The following RASGRP3 variants were observed in gnomAD, a reference collection of about 807,000 sequenced individuals.
RASGRP3 encodes RAS guanyl releasing protein 3.
A neutral mutation model predicts 82.7 loss-of-function variants in RASGRP3; 54 were observed. The observed-to-expected ratio is 0.65, with a 90% CI of 0.52 to 0.82. The LOEUF is 0.82. Ranked by LOEUF, RASGRP3 falls within the 40% of genes least tolerant of loss-of-function variation. RASGRP3 has a pLI of 0.00. For synonymous variants in RASGRP3, 309 were observed against 300.5 expected, an observed-to-expected ratio of 1.03 and a Z score of -0.29; for missense variants, 861 against 828.9, an observed-to-expected ratio of 1.04 and a Z score of -0.48.
In RASGRP3 at chr2:33,524,503, A is replaced by T; in HGVS notation, c.762A>T (p.Ser254=). 1.2e-6 allele frequency: 2 copies of T among 1,605,250 alleles called. No homozygotes were observed. Among genetic ancestry groups the T allele is most frequent in the Non-Finnish European group, 1.7e-6 (2 of 1,175,562 alleles). The change falls in exon 9 of 18, where the codon TCA becomes TCT. Residue 254 remains serine (S), a synonymous_variant. Transcript: ENST00000403687. ...GAGGCCTCAGTCATAGTTCCATTTC[A>T]CGCCTCAAAGAGACCCATTCTCATC... ...VVGGLSHSSI[S]RLKETHSHLS...
chr2:33,478,140 C>T (rs1667546701), intron 1 of RASGRP3, among the ~76,000 whole-genome samples: 1 of 152,276 alleles, frequency 6.6e-6, no homozygotes, highest in Non-Finnish European at 1.5e-5. Context: ...GTCTTGAGTA[C>T]CGCACCAACC....
intron 2 of RASGRP3, among the ~76,000 whole-genome samples, chr2:33,468,775 C>T (rs897428047): frequency 1.3e-5 from 2 of 152,052 alleles, no homozygotes; most frequent in African/African-American, 4.8e-5. Flanking sequence ...ACTTTTGGCA[C>T]CTAGATGTTT....
At chr2:33,525,807 T>C (rs574172852) in intron 9 of RASGRP3, among the ~76,000 whole-genome samples, 5 of 149,834 alleles carry the variant, frequency 3.3e-5, no homozygotes, top group African/African-American at 1.2e-4. Flanking sequence ...AGCCCAGGAG[T>C]TTGAGGCTGC....
At chr2:33,503,687 A>G (rs1397336111) in intron 1 of RASGRP3, among the ~76,000 whole-genome samples, 1 of 152,196 alleles carries the variant, frequency 6.6e-6, no homozygotes, top group Non-Finnish European at 1.5e-5. Context: ...AAACTGAGAC[A>G]TTACCATCCC....
chr2:33,518,757 A>G (rs1671701273), intron 4 of RASGRP3, among the ~76,000 whole-genome samples: 1 of 152,186 alleles, frequency 6.6e-6, no homozygotes, highest in Non-Finnish European at 1.5e-5. Context: ...CAAAGACAGA[A>G]ACACACGCAT....
intron 2 of RASGRP3, among the ~76,000 whole-genome samples, chr2:33,460,943 C>T (rs1421410371): frequency 6.6e-6 from 1 of 152,200 alleles, no homozygotes; most frequent in African/African-American, 2.4e-5. Flanking sequence ...AAAGGATTTA[C>T]AGGAATTCAA....
At chr2:33,469,972 C>CTCT (rs1666959086) in intron 2 of RASGRP3, among the ~76,000 whole-genome samples, 1 of 152,134 alleles carries the variant, frequency 6.6e-6, no homozygotes, top group Non-Finnish European at 1.5e-5. Context: ...GGGCTTTTGG[C>CTCT]TCTGTTCCAT....
At chr2:33,504,256 C>T (rs1670147760) in intron 1 of RASGRP3, among the ~76,000 whole-genome samples, 1 of 152,100 alleles carries the variant, frequency 6.6e-6, no homozygotes, top group East Asian at 1.9e-4. Context: ...TCTTTCCTGT[C>T]AAGAAGGCCT....
At chr2:33,469,910 T>A (rs1666955915) in intron 2 of RASGRP3, among the ~76,000 whole-genome samples, 1 of 152,238 alleles carries the variant, frequency 6.6e-6, no homozygotes, top group South Asian at 2.1e-4. Context: ...TTAAAAACCA[T>A]ATTGAACAAA....
rs1676858543 is a variant in RASGRP3, at chr2:33,563,014, T to C, written c.*277T>C. The stretch of plus-strand genomic sequence containing the variant: ...AGTACTTTTTTCTCATGTATCTTTC[T>C]CTAGACCATTTATATACGGGTGAAA... On this transcript the variant is annotated 3_prime_UTR_variant, in exon 18 of 18. Coordinates refer to ENST00000403687, the MANE Select transcript of RASGRP3 (RefSeq NM_001139488.2). 2 of 470,844 alleles carry C rather than the reference T, an allele frequency of 4.2e-6. No individual in the cohort carries two copies. The highest frequency in any genetic ancestry group is 7.6e-5 in the South Asian group (2 of 26,440). The allele number at this position is 470,844 out of a possible 1,614,324, so 29.2% of individuals were successfully genotyped here.
Position 33,520,571 on chromosome 2 carries a change from T to G in RASGRP3, c.255T>G (p.Phe85Leu), listed in dbSNP as rs778703968. The G allele has an allele frequency of 6.2e-7, 1 of 1,614,046 alleles. No homozygotes were observed. The highest frequency in any genetic ancestry group is 8.5e-7 in the Non-Finnish European group (1 of 1,179,900). The stretch of plus-strand genomic sequence containing the variant: ...CTTTCAGGTACTGGATTCTGAAGTT[T>G]CCTGCAGAGTTTAATTTGGATCTTG... ...CYFMRYWILK[F>L]PAEFNLDLGL... Residue 85 changes from phenylalanine (F) to leucine (L), a missense_variant, in exon 6 of 18, where the codon TTT becomes TTG. Physicochemically the swap from Phe to Leu is conservative, Grantham distance 22. Coordinates refer to ENST00000403687, the MANE Select transcript of RASGRP3 (RefSeq NM_001139488.2).
intron 2 of RASGRP3, among the ~76,000 whole-genome samples, chr2:33,455,657 G>T (rs1158083856): frequency 6.6e-6 from 1 of 152,244 alleles, no homozygotes; most frequent in African/African-American, 2.4e-5. Context: ...TAAGACTGAA[G>T]GATTAACTTC....
chr2:33,527,422 A>G lies in RASGRP3; in HGVS notation c.1083+10A>G. On this transcript the variant is annotated intron_variant, in intron 10 of 17. Transcript: ENST00000403687. ...GATCAACCTGCTCACGGTGAGTTCC[A>G]AGGAGCCAAGTTTGGGCTCAATAAT... 6.2e-7 allele frequency: 1 copy of G among 1,604,018 alleles called. No homozygotes were observed. The highest frequency in any genetic ancestry group is 1.7e-5 in the Admixed American group (1 of 59,778).
chr2:33,561,169 C>A (rs916069608), intron 17 of RASGRP3, among the ~76,000 whole-genome samples: 2 of 151,860 alleles, frequency 1.3e-5, no homozygotes, highest in Non-Finnish European at 2.9e-5. Context: ...CAGGTTCAAG[C>A]GATTCTCCTG....
chr2:33,459,244 C>T (rs1666217110), intron 2 of RASGRP3, among the ~76,000 whole-genome samples: 1 of 152,118 alleles, frequency 6.6e-6, no homozygotes, highest in Non-Finnish European at 1.5e-5. Context: ...AAGCCATTCT[C>T]CTGCCTCAGC....
At chr2:33,454,652 C>T (rs1665951987) in intron 2 of RASGRP3, among the ~76,000 whole-genome samples, 1 of 152,164 alleles carries the variant, frequency 6.6e-6, no homozygotes, top group Admixed American at 6.5e-5. Flanking sequence ...CTCATCATAG[C>T]AGAAGGCTGG....
intron 2 of RASGRP3, among the ~76,000 whole-genome samples, chr2:33,470,851 G>T (rs1182228627): frequency 1.3e-5 from 2 of 152,048 alleles, no homozygotes; most frequent in Admixed American, 1.3e-4. Context: ...ATTTTAGTTT[G>T]TTCTATTGAG....
intron 9 of RASGRP3, among the ~76,000 whole-genome samples, chr2:33,524,850 C>T (rs146985548): frequency 7.9e-4 from 120 of 151,864 alleles, no homozygotes; most frequent in African/African-American, 2.4e-3. Context: ...GAGGCTGAGG[C>T]GGGCGGATCA....
At chr2:33,450,822 C>CTTTTTTTTTTTTTTTTTTTTTTTTTTTT (rs1170217165) in intron 2 of RASGRP3, among the ~76,000 whole-genome samples, 11 of 18,978 alleles carry the variant, frequency 5.8e-4, no homozygotes, top group East Asian at 1.6e-3. Flanking sequence ...TTCTTTCTTT[C>CTTTTTTTTTTTTTTTTTTTTTTTTTTTT]TTTTTTTTTT....
Sources: allele counts gnomAD v4.1 joint callset (sites outside exome capture counted in the v4.1 genomes callset), GRCh38; gene constraint gnomAD v4.1.1; transcripts MANE v1.5; gene names NCBI Gene and HGNC (gene_info 2026-07-23, HGNC 2026-07-21).